AOAH: variants seen among roughly 807,000 people sequenced by gnomAD.
AOAH encodes the protein acyloxyacyl hydrolase.
A neutral mutation model predicts 92.2 loss-of-function variants in AOAH; 64 were observed. That is an observed-to-expected ratio of 0.69 (90% confidence interval 0.57 to 0.86). The LOEUF (loss-of-function observed/expected upper bound fraction) is 0.86. Ranked by LOEUF, AOAH falls within the 40% of genes least tolerant of loss-of-function variation. The pLI, the probability that AOAH is intolerant of heterozygous loss-of-function variation, is 0.00. For synonymous variants in AOAH, 263 were observed against 254.5 expected, an observed-to-expected ratio of 1.03 and a Z score of -0.32; for missense variants, 656 against 694.6, an observed-to-expected ratio of 0.94 and a Z score of 0.62.
chr7:36,557,085 G>A (rs1338878678), intron 13 of AOAH, among the ~76,000 whole-genome samples: 2 of 152,126 alleles, frequency 1.3e-5, no homozygotes, highest in East Asian at 1.9e-4. Context: ...AGTCTCAATG[G>A]TCTTTACATT....
chr7:36,704,367 A>T (rs1479951398), intron 1 of AOAH, among the ~76,000 whole-genome samples: 2 of 152,044 alleles, frequency 1.3e-5, no homozygotes, highest in African/African-American at 4.8e-5. Context: ...AAACACCTCT[A>T]TGCAAATAAA....
At chr7:36,569,610 T>TCTAC (rs1328119484) in intron 13 of AOAH, among the ~76,000 whole-genome samples, 1 of 151,406 alleles carries the variant, frequency 6.6e-6, no homozygotes, top group African/African-American at 2.4e-5. Context: ...TATCTATCTA[T>TCTAC]CTATCTATCT....
At chr7:36,562,076 C>T (rs997722563) in intron 13 of AOAH, among the ~76,000 whole-genome samples, 5 of 152,216 alleles carry the variant, frequency 3.3e-5, no homozygotes, top group Non-Finnish European at 5.9e-5. Flanking sequence ...AAAGTTCTTG[C>T]GCCTTCCACT....
chr7:36,514,361 G>C (rs1790215276), intron 20 of AOAH: 1 of 775,012 alleles, frequency 1.3e-6, no homozygotes, highest in East Asian at 2.8e-5. Flanking sequence ...TGGGTGGGGG[G>C]TGGGATCCTG....
intron 13 of AOAH, among the ~76,000 whole-genome samples, chr7:36,554,820 T>C (rs1056001928): frequency 5.9e-5 from 9 of 151,540 alleles, no homozygotes; most frequent in African/African-American, 2.2e-4. Flanking sequence ...CTTGTGATTT[T>C]TGTACATTGA....
chr7:36,713,605 G>T (rs1368358257), intron 1 of AOAH, among the ~76,000 whole-genome samples: 2 of 152,268 alleles, frequency 1.3e-5, no homozygotes, highest in Middle Eastern at 3.4e-3. Context: ...AAATGGAAAA[G>T]AACAGAAATT....
At chr7:36,525,852 G>A (rs1018389509) in intron 19 of AOAH, among the ~76,000 whole-genome samples, 1 of 152,162 alleles carries the variant, frequency 6.6e-6, no homozygotes, top group Admixed American at 6.5e-5. Context: ...GAGAAGAGAT[G>A]ACCATTCCCT....
At position 36,669,260 on chromosome 7, in the gene AOAH, T is replaced by A. The variant is rs543482668; in HGVS notation, c.290+4683A>T. ...GCAGAACTGGAAGATCTTCTTCATA[T>A]AACTTAATACTTTTATCTTGTTTCT... On this transcript the variant is annotated intron_variant, in intron 3 of 20. Transcript: ENST00000617537. Among the ~76,000 whole-genome samples the A allele has an allele frequency of 7.9e-5, 12 of 152,290 alleles. No homozygotes were observed. In the South Asian group the frequency reaches 2.5e-3, roughly 32 times the overall value.
At chr7:36,674,669 T>C (rs1796127944) in intron 2 of AOAH, among the ~76,000 whole-genome samples, 1 of 152,210 alleles carries the variant, frequency 6.6e-6, no homozygotes, top group African/African-American at 2.4e-5. Flanking sequence ...AGTTTGTGAG[T>C]CTATTGTGGA....
intron 1 of AOAH, among the ~76,000 whole-genome samples, chr7:36,690,894 A>G (rs957735861): frequency 1.3e-5 from 2 of 152,230 alleles, no homozygotes; most frequent in African/African-American, 4.8e-5. Flanking sequence ...GACTGGGCCA[A>G]GGAATCCTTT....
chr7:36,720,106 A>G (rs1483364934), intron 1 of AOAH, among the ~76,000 whole-genome samples: 1 of 152,002 alleles, frequency 6.6e-6, no homozygotes, highest in East Asian at 1.9e-4. Context: ...TTGACTAGCA[A>G]TATTCAGGTA....
intron 13 of AOAH, among the ~76,000 whole-genome samples, chr7:36,569,503 ATCTATCTATCTG>A (rs1392087318): frequency 3.0e-4 from 45 of 149,000 alleles, no homozygotes; most frequent in Admixed American, 7.9e-4. Context: ...CTATCTATCT[ATCTATCTATCTG>A]TCTATCTTTC....
chr7:36,673,663 A>T (rs2116656946), intron 3 of AOAH, among the ~76,000 whole-genome samples: 1 of 152,342 alleles, frequency 6.6e-6, no homozygotes, highest in South Asian at 2.1e-4. Context: ...GGGAGAGAAG[A>T]TGTGGCCTGG....
rs1390698187 is a variant in AOAH, at chr7:36,686,742, C to T, written c.180G>A (p.Ser60=). ...VIEQLAQVHN[S]TVQASMERLC... is the part of the protein sequence containing the mutation. Reference sequence around the variant, plus strand: ...GTCTCTCCATCGAGGCCTGGACCGTCGAGTTGTGAACTTGAGCAAGCTGTT... The same window carrying T: ...GTCTCTCCATCGAGGCCTGGACCGTTGAGTTGTGAACTTGAGCAAGCTGTT... Residue 60 remains serine, a synonymous_variant, in exon 2 of 21, where the codon TCG becomes TCA. Transcript: ENST00000617537. The T allele has an allele frequency of 4.4e-6, 7 of 1,579,460 alleles. No individual in the cohort carries two copies. Among genetic ancestry groups the T allele is most frequent in the Middle Eastern group, 1.7e-4 (1 of 5,992 alleles).
intron 6 of AOAH, among the ~76,000 whole-genome samples, chr7:36,628,693 A>T (rs1792853213): frequency 6.6e-6 from 1 of 152,216 alleles, no homozygotes; most frequent in South Asian, 2.1e-4. Flanking sequence ...GACACCTCAA[A>T]TGAATTTTGA....
chr7:36,678,600 T>TGTGTGTGTGTGTGTGCGC lies in AOAH; in HGVS notation c.224-4592_224-4591insGCGCACACACACACACAC, dbSNP rs549317369. 9.8e-3 allele frequency among the ~76,000 whole-genome samples: 1,277 copies of TGTGTGTGTGTGTGTGCGC among 130,778 alleles called. 20 individuals carry two copies. Among genetic ancestry groups the TGTGTGTGTGTGTGTGCGC allele is most frequent in the Middle Eastern group, 0.017 (4 of 234 alleles). 85.8% of individuals were successfully genotyped at this position (130,778 alleles called of 152,430 possible). ...GTGTGTGTGTGTGTGTGTGTGTGTG[T>TGTGTGTGTGTGTGTGCGC]GCGCGCGCGCGCGCGTTAGAATTCT... On this transcript the variant is annotated intron_variant, in intron 2 of 20. Transcript: ENST00000617537.
At chr7:36,536,023 C>G (rs747363077) in intron 16 of AOAH, among the ~76,000 whole-genome samples, 4 of 152,212 alleles carry the variant, frequency 2.6e-5, no homozygotes, top group African/African-American at 4.8e-5. Flanking sequence ...CAGCGACGGA[C>G]TGGGTAGTGA....
intron 1 of AOAH, among the ~76,000 whole-genome samples, chr7:36,715,442 A>G (rs1288737778): frequency 1.3e-5 from 2 of 151,982 alleles, no homozygotes; most frequent in African/African-American, 4.8e-5. Flanking sequence ...TCAAGCTACC[A>G]ATGACTTTCT....
chr7:36,675,966 G>A (rs946405368), intron 2 of AOAH, among the ~76,000 whole-genome samples: 1 of 152,282 alleles, frequency 6.6e-6, no homozygotes, highest in South Asian at 2.1e-4. Flanking sequence ...AAAAGGGAAT[G>A]TCCTCAACCT....
Sources: gnomAD v4.1 joint callset for allele counts (sites outside exome capture counted in the v4.1 genomes callset) on GRCh38, gnomAD v4.1.1 for gene constraint, MANE v1.5 for transcripts, NCBI Gene and HGNC (gene_info 2026-07-23, HGNC 2026-07-21) for gene names.